SLC4A10: variants seen among roughly 807,000 people sequenced by gnomAD.
SLC4A10 encodes the protein solute carrier family 4 member 10, also known as sodium-driven chloride bicarbonate exchanger.
A neutral mutation model predicts 137.7 loss-of-function variants in SLC4A10; 42 were observed. The ratio of observed to expected loss-of-function variants is 0.30; its 90% CI spans 0.24 to 0.39. The LOEUF is 0.39. Ranked by LOEUF, SLC4A10 falls within the 10% of genes least tolerant of loss-of-function variation. The pLI, the probability that SLC4A10 is intolerant of heterozygous loss-of-function variation, is 1.00. For missense variants in SLC4A10, 925 were observed against 1,355.0 expected, an observed-to-expected ratio of 0.68 and a Z score of 4.98; for synonymous variants, 474 against 464.1, an observed-to-expected ratio of 1.02 and a Z score of -0.27.
intron 10 of SLC4A10, among the ~76,000 whole-genome samples, chr2:161,892,154 T>C (rs2062990426): frequency 6.6e-6 from 1 of 152,106 alleles, no homozygotes; most frequent in South Asian, 2.1e-4. Context: ...ACAGGAAATC[T>C]GTTGTCCTGG....
chr2:161,791,830 G>A (rs1042174276), intron 2 of SLC4A10, among the ~76,000 whole-genome samples: 5 of 152,018 alleles, frequency 3.3e-5, no homozygotes, highest in African/African-American at 7.2e-5. Context: ...CTTTTACCAT[G>A]CATTTTATTT....
intron 1 of SLC4A10, among the ~76,000 whole-genome samples, chr2:161,693,109 C>A (rs150375097): frequency 2.6e-5 from 4 of 152,082 alleles, no homozygotes; most frequent in African/African-American, 9.6e-5. Flanking sequence ...GAGTGTATCA[C>A]TTTAAATTCT....
intron 23 of SLC4A10, 82 bp downstream of exon 23, chr2:161,965,255 A>G: frequency 2.8e-6 from 4 of 1,414,158 alleles, no homozygotes; most frequent in Non-Finnish European, 2.8e-6. Context: ...TATTGTTTTT[A>G]TCTTTAGACA....
intron 1 of SLC4A10, among the ~76,000 whole-genome samples, chr2:161,631,282 G>T (rs2033502994): frequency 6.6e-6 from 1 of 151,682 alleles, no homozygotes; most frequent in Admixed American, 6.6e-5. Flanking sequence ...GTAAAATGGT[G>T]AATTTTATGT....
At chr2:161,701,319 A>C (rs1310456234) in intron 1 of SLC4A10, among the ~76,000 whole-genome samples, 1 of 152,002 alleles carries the variant, frequency 6.6e-6, no homozygotes, top group African/African-American at 2.4e-5. Context: ...TCTGTGTTAG[A>C]ATTTAAAAAG....
intron 3 of SLC4A10, among the ~76,000 whole-genome samples, chr2:161,805,439 A>G (rs140867711): frequency 1.2e-3 from 180 of 152,322 alleles, no homozygotes; most frequent in African/African-American, 4.1e-3. Context: ...AAAAGTCTAT[A>G]GTCCAAAATC....
intron 10 of SLC4A10, among the ~76,000 whole-genome samples, chr2:161,882,734 G>A (rs1196093549): frequency 2.0e-5 from 3 of 151,958 alleles, no homozygotes; most frequent in African/African-American, 7.2e-5. Context: ...ACCAAAGTAA[G>A]CACCATTGTT....
At chr2:161,699,857 T>A (rs1318803971) in intron 1 of SLC4A10, among the ~76,000 whole-genome samples, 1 of 152,202 alleles carries the variant, frequency 6.6e-6, no homozygotes, top group Non-Finnish European at 1.5e-5. Context: ...TAAGTATTTC[T>A]TATTTCCTGG....
intron 3 of SLC4A10, among the ~76,000 whole-genome samples, chr2:161,835,399 C>T (rs181899243): frequency 9.9e-5 from 15 of 152,248 alleles, no homozygotes; most frequent in Admixed American, 3.9e-4. Flanking sequence ...AATATAGTGA[C>T]TTGAACCACA....
chr2:161,662,031 T>A (rs182062944), intron 1 of SLC4A10, among the ~76,000 whole-genome samples: 1 of 152,260 alleles, frequency 6.6e-6, no homozygotes, highest in African/African-American at 2.4e-5. Context: ...TTAAAATGAC[T>A]AGTATCCTGA....
intron 2 of SLC4A10, among the ~76,000 whole-genome samples, chr2:161,794,133 A>G (rs1212790146): frequency 6.6e-6 from 1 of 152,126 alleles, no homozygotes; most frequent in African/African-American, 2.4e-5. Flanking sequence ...ATAAATATGA[A>G]TCCTAAATAT....
At chr2:161,921,888 A>G (rs1190720655) in intron 15 of SLC4A10, among the ~76,000 whole-genome samples, 2 of 152,236 alleles carry the variant, frequency 1.3e-5, no homozygotes, top group Non-Finnish European at 2.9e-5. Flanking sequence ...ATATATGTCT[A>G]TGTATCTCCA....
chr2:161,813,742 A>T (rs2056777776), intron 3 of SLC4A10, among the ~76,000 whole-genome samples: 1 of 152,152 alleles, frequency 6.6e-6, no homozygotes, highest in South Asian at 2.1e-4. Flanking sequence ...AGCAAATAAA[A>T]ATAAGCTGTA....
chr2:161,933,184 TTTCTTTCTTTCTTTC>T (rs1690783023), intron 15 of SLC4A10, among the ~76,000 whole-genome samples: 13 of 10,138 alleles, frequency 1.3e-3, no homozygotes, highest in South Asian at 5.3e-3. Flanking sequence ...CCTTCCTTCT[TTTCTTTCTTTCTTTC>T]TTTCTTTCTT....
At chr2:161,724,019 G>A (rs1342548975) in intron 1 of SLC4A10, among the ~76,000 whole-genome samples, 1 of 152,148 alleles carries the variant, frequency 6.6e-6, no homozygotes, top group Non-Finnish European at 1.5e-5. Context: ...TTCATAGCAT[G>A]ACAACCTGAC....
chr2:161,670,823 C>T (rs755586458), intron 1 of SLC4A10, among the ~76,000 whole-genome samples: 1 of 152,004 alleles, frequency 6.6e-6, no homozygotes, highest in Non-Finnish European at 1.5e-5. Flanking sequence ...TTAAATTCTC[C>T]AGGGTCCAGA....
intron 15 of SLC4A10, among the ~76,000 whole-genome samples, chr2:161,928,102 G>A (rs1204418445): frequency 2.7e-5 from 4 of 150,744 alleles, no homozygotes; most frequent in African/African-American, 9.8e-5. Flanking sequence ...ATTCACAATA[G>A]CAAAGACTTG....
intron 6 of SLC4A10, among the ~76,000 whole-genome samples, chr2:161,870,689 T>C (rs1432645621): frequency 6.6e-6 from 1 of 151,862 alleles, no homozygotes; most frequent in Non-Finnish European, 1.5e-5. Context: ...ATTGAATGGC[T>C]GCTAATGAAC....
intron 1 of SLC4A10, among the ~76,000 whole-genome samples, chr2:161,726,987 T>G (rs1380897217): frequency 6.6e-6 from 1 of 152,218 alleles, no homozygotes; most frequent in East Asian, 1.9e-4. Flanking sequence ...CACTTCCAAA[T>G]ACTCTTTCTC....
Sources: allele counts gnomAD v4.1 joint callset (sites outside exome capture counted in the v4.1 genomes callset), GRCh38; gene constraint gnomAD v4.1.1; transcripts MANE v1.5; gene names NCBI Gene and HGNC (gene_info 2026-07-23, HGNC 2026-07-21).